Variants in FBXO32 observed in about 807,000 individuals in gnomAD.
The protein encoded by FBXO32 is F-box protein 32.
A neutral mutation model predicts 48.3 loss-of-function variants in FBXO32; 15 were observed. The observed-to-expected ratio is 0.31, with a 90% CI of 0.21 to 0.48. FBXO32 has a LOEUF of 0.48. Among genes scored for constraint, FBXO32 ranks in the 20% least tolerant of loss-of-function variants. The probability of loss-of-function intolerance (pLI) is 0.99; values close to 1 mark genes in which losing one functional copy is unlikely to be tolerated. For synonymous variants in FBXO32, 154 were observed against 165.9 expected (o/e 0.93, Z 0.55); for missense variants, 309 against 432.7 (o/e 0.71, Z 2.54).
chr8:123,514,202 G>A (rs1487407978), intron 5 of FBXO32, 38 bp downstream of exon 5: 1 of 1,512,304 alleles, frequency 6.6e-7, no homozygotes, highest in Non-Finnish European at 9.1e-7. Context: ...CCACCTCCAT[G>A]CCTATAAAAA....
At chr8:123,532,604 A>C (rs72709032) in intron 3 of FBXO32, among the ~76,000 whole-genome samples, 9,841 of 152,238 alleles carry the variant, frequency 0.065, 326 homozygotes, top group African/African-American at 0.074. Flanking sequence ...ACCTCAAATC[A>C]CAGAGGGGAC....
At chr8:123,536,302 T>C (rs1450153258) in intron 1 of FBXO32, among the ~76,000 whole-genome samples, 1 of 152,190 alleles carries the variant, frequency 6.6e-6, no homozygotes. Context: ...TGCAGAAATG[T>C]CCTCTCAGAG....
intron 6 of FBXO32, among the ~76,000 whole-genome samples, chr8:123,507,361 C>T (rs1816647714): frequency 6.6e-6 from 1 of 151,682 alleles, no homozygotes; most frequent in South Asian, 2.1e-4. Context: ...AGAAGGTGCT[C>T]AACAAATACC....
intron 4 of FBXO32, among the ~76,000 whole-genome samples, chr8:123,520,521 A>G (rs1270716494): frequency 6.6e-6 from 1 of 152,110 alleles, no homozygotes; most frequent in African/African-American, 2.4e-5. Context: ...GGCTCATGCT[A>G]GTTCTGGAGG....
chr8:123,506,338 G>T lies in FBXO32; in HGVS notation c.834+54C>A. ...CTTGAGCAGGGCACCAAGGAAGTTT[G>T]GGGTGAGGGCCAGAGAAGGAGGGTG... is the stretch of plus-strand genomic sequence containing the variant. On this transcript the variant is annotated intron_variant, in intron 7 of 8. Transcript: ENST00000517956. The surrounding 1 kb of genome is among the most constrained non-coding windows in gnomAD (Gnocchi z 4.0). 1 of 1,586,286 alleles carries T rather than the reference G, an allele frequency of 6.3e-7. No individual in the cohort carries two copies. Among genetic ancestry groups the T allele is most frequent in the South Asian group, 1.1e-5 (1 of 88,434 alleles).
chr8:123,513,421 C>T lies in FBXO32; in HGVS notation c.467-39G>A, dbSNP rs757137859. 5.9e-6 allele frequency: 9 copies of T among 1,521,320 alleles called. No individual in the cohort carries two copies. Among genetic ancestry groups the T allele is most frequent in the Non-Finnish European group, 8.1e-6 (9 of 1,105,694 alleles). 94.2% of individuals were successfully genotyped at this position (1,521,320 alleles called of 1,614,324 possible). A position where few individuals can be genotyped will look rare whatever the true frequency, so the allele number is the denominator to read the frequency against. ...GAAAAAAATAATTAAAGTTATGATA[C>T]TGGAACACCCTGTATTTTACACATG... is the stretch of plus-strand genomic sequence containing the variant. On this transcript the variant is annotated intron_variant, in intron 5 of 8. Coordinates refer to ENST00000517956, the MANE Select transcript of FBXO32 (RefSeq NM_058229.4). This position sits in a 1 kb window ranked among gnomAD's most constrained non-coding sequence, Gnocchi z 4.3.
chr8:123,514,469 TA>T, intron 4 of FBXO32, 136 bp from the exon 5 acceptor site: 1 of 532,286 alleles, frequency 1.9e-6, no homozygotes. Flanking sequence ...CACAATGCAA[TA>T]AAAAGCAGAT....
rs1048478478 is a variant in FBXO32, at chr8:123,506,822, A to G, written c.652-248T>C. 6.6e-6 allele frequency among the ~76,000 whole-genome samples: 1 copy of G among 152,314 alleles called. No individual in the cohort carries two copies. Among genetic ancestry groups the G allele is most frequent in the African/African-American group, 2.4e-5 (1 of 41,568 alleles). On this transcript the variant is annotated intron_variant, in intron 6 of 8. Transcript: ENST00000517956. This position sits in a 1 kb window ranked among gnomAD's most constrained non-coding sequence, Gnocchi z 4.0. Reference sequence around the variant, plus strand: ...GATCGCCCTACATTTCCAAAGCTTGAAACTTTCACTCTTAAAGACTCTCCA... The same window carrying G: ...GATCGCCCTACATTTCCAAAGCTTGGAACTTTCACTCTTAAAGACTCTCCA...
chr8:123,538,311 G>T, intron 1 of FBXO32, among the ~76,000 whole-genome samples: 1 of 152,084 alleles, frequency 6.6e-6, no homozygotes, highest in Non-Finnish European at 1.5e-5. Context: ...ACCACCAAAT[G>T]CATCCTTCAT....
rs1373942295 is a variant in FBXO32, at chr8:123,501,649, G to A, written c.*1724C>T. On this transcript the variant is annotated 3_prime_UTR_variant, in exon 9 of 9. Coordinates refer to ENST00000517956, the MANE Select transcript of FBXO32 (RefSeq NM_058229.4). ...GTGGGTTGTGTGCTATTGAGGGCAG[G>A]GGCTGAAGCGGTGTTGTATCATAGC... The A allele has an allele frequency of 6.6e-6, 1 of 152,080 alleles. No homozygotes were observed. Among genetic ancestry groups the A allele is most frequent in the African/African-American group, 2.4e-5 (1 of 41,410 alleles). The allele number at this position is 152,080 out of a possible 1,614,324, so 9.4% of individuals were successfully genotyped here.
At position 123,513,578 on chromosome 8, in the gene FBXO32, T is replaced by A. The variant is rs1427026970; in HGVS notation, c.467-196A>T. Among the ~76,000 whole-genome samples, 1 of 152,148 alleles carries A rather than the reference T, an allele frequency of 6.6e-6. No homozygotes were observed. ...TTGAGGTTAAAGGGTAGAGTTTCCA[T>A]TATCTAGGTCCCTCTTTGTTCTCTT... is the stretch of plus-strand genomic sequence containing the variant. On this transcript the variant is annotated intron_variant, in intron 5 of 8. Coordinates refer to ENST00000517956, the MANE Select transcript of FBXO32 (RefSeq NM_058229.4). The surrounding 1 kb of genome is among the most constrained non-coding windows in gnomAD (Gnocchi z 4.3).
Position 123,531,879 on chromosome 8 carries a change from T to A in FBXO32, c.372+19A>T, listed in dbSNP as rs148639338. ...CTTGGGAAAGAGCCTGGATGAGCCT[T>A]TAGGCACTTGAGACTTACCCGGACC... is the stretch of plus-strand genomic sequence containing the variant. On this transcript the variant is annotated intron_variant, in intron 4 of 8. Transcript: ENST00000517956. 6.2e-7 allele frequency: 1 copy of A among 1,613,464 alleles called. No homozygotes were observed. Among genetic ancestry groups the A allele is most frequent in the East Asian group, 2.2e-5 (1 of 44,862 alleles).
Position 123,528,307 on chromosome 8 carries a change from G to A in FBXO32, c.372+3591C>T, listed in dbSNP as rs116865462. ...TTGACTTGATGCCCAAGACTCACTC[G>A]ATCCTCTGACCTCTCTGTGGCCTGG... is the stretch of plus-strand genomic sequence containing the variant. On this transcript the variant is annotated intron_variant, in intron 4 of 8. Coordinates refer to ENST00000517956, the MANE Select transcript of FBXO32 (RefSeq NM_058229.4). Among the ~76,000 whole-genome samples, 158 of 152,252 alleles carry A rather than the reference G, an allele frequency of 1.0e-3. 2 individuals carry two copies. The East Asian group carries it at 0.028, about 27-fold the overall frequency.
chr8:123,540,030 T>C lies in FBXO32; in HGVS notation c.116+869A>G, dbSNP rs1050261459. Among the ~76,000 whole-genome samples, 5 of 152,182 alleles carry C rather than the reference T, an allele frequency of 3.3e-5. No individual in the cohort carries two copies. The highest frequency in any genetic ancestry group is 2.1e-4 in the South Asian group (1 of 4,828). Reference sequence around the variant, plus strand: ...CCGGCGCTGGCATCGTTAGCCAAGCTGAGCAGGGAGCGCAGCGGACCTCAG... The same window carrying C: ...CCGGCGCTGGCATCGTTAGCCAAGCCGAGCAGGGAGCGCAGCGGACCTCAG... On this transcript the variant is annotated intron_variant, in intron 1 of 8. Transcript: ENST00000517956. The surrounding 1 kb of genome is among the most constrained non-coding windows in gnomAD (Gnocchi z 6.4).
At chr8:123,509,451 G>A (rs1824072017) in intron 6 of FBXO32, among the ~76,000 whole-genome samples, 1 of 152,064 alleles carries the variant, frequency 6.6e-6, no homozygotes, top group South Asian at 2.1e-4. Flanking sequence ...TGTAATCCTG[G>A]TACTTTGGGA....
chr8:123,516,164 C>T (rs1450282387), intron 4 of FBXO32, among the ~76,000 whole-genome samples: 1 of 152,164 alleles, frequency 6.6e-6, no homozygotes, highest in Non-Finnish European at 1.5e-5. Context: ...CAGAGTCCTT[C>T]TCAACACAGG....
chr8:123,537,747 G>A (rs369044638), intron 1 of FBXO32, among the ~76,000 whole-genome samples: 21 of 152,308 alleles, frequency 1.4e-4, no homozygotes, highest in African/African-American at 5.1e-4. Context: ...CACACAGTAA[G>A]CACTCATAAA....
intron 4 of FBXO32, among the ~76,000 whole-genome samples, chr8:123,526,401 A>G (rs1817077852): frequency 1.3e-5 from 2 of 151,902 alleles, no homozygotes; most frequent in African/African-American, 4.8e-5. Flanking sequence ...TAATTTTTGT[A>G]TTTTAAGTAG....
At chr8:123,534,112 C>CAAAAAACACCAAAAAAA (rs1817264286) in intron 2 of FBXO32, among the ~76,000 whole-genome samples, 3 of 117,954 alleles carry the variant, frequency 2.5e-5, no homozygotes, top group African/African-American at 9.9e-5. Context: ...AACAAACAAA[C>CAAAAAACACCAAAAAAA]AAAAAACACC....
Sources: gnomAD v4.1 joint callset for allele counts (sites outside exome capture counted in the v4.1 genomes callset) on GRCh38, gnomAD v4.1.1 for gene constraint, Gnocchi (gnomAD v3.1) non-coding constraint, MANE v1.5 for transcripts, NCBI Gene and HGNC (gene_info 2026-07-23, HGNC 2026-07-21) for gene names.